FAM222B: variants seen among roughly 807,000 people sequenced by gnomAD.
FAM222B encodes protein FAM222B.
Under a neutral mutation model 38.0 loss-of-function variants are expected in FAM222B, and 12 were observed. That is an observed-to-expected ratio of 0.32 (90% confidence interval 0.20 to 0.51). The LOEUF is 0.51. FAM222B is among the 20% of genes least tolerant of loss of function. The probability of loss-of-function intolerance (pLI) is 0.97; values close to 1 mark genes in which losing one functional copy is unlikely to be tolerated. For synonymous variants in FAM222B, 329 were observed against 317.2 expected (o/e 1.04, Z -0.40); for missense variants, 716 against 754.2 (o/e 0.95, Z 0.59).
intron 1 of FAM222B, among the ~76,000 whole-genome samples, chr17:28,847,927 AG>A (rs966359160): frequency 6.7e-6 from 1 of 149,766 alleles, no homozygotes; most frequent in Non-Finnish European, 1.5e-5. Context: ...AAAAAAAAAA[AG>A]AAAAGAAAAG....
chr17:28,837,863 G>A (rs2038902449), intron 1 of FAM222B, among the ~76,000 whole-genome samples: 1 of 152,090 alleles, frequency 6.6e-6, no homozygotes. Flanking sequence ...TTGTTTGCCA[G>A]GCTGGTCTTG....
intron 1 of FAM222B, among the ~76,000 whole-genome samples, chr17:28,790,884 C>CAATTTTTTTT (rs71135852): frequency 1.2e-5 from 1 of 86,062 alleles, no homozygotes; most frequent in African/African-American, 4.6e-5. Context: ...AATTGTTTCA[C>CAATTTTTTTT]TTTTTTTTTT....
At chr17:28,846,572 A>G (rs370847812), upstream of FAM222B, among the ~76,000 whole-genome samples, 1 of 151,570 alleles carries the variant, frequency 6.6e-6, no homozygotes, top group Admixed American at 6.6e-5. Context: ...GGGAGGCTGA[A>G]GAGCGAGGAT....
intron 1 of FAM222B, among the ~76,000 whole-genome samples, chr17:28,809,016 T>C (rs1196642512): frequency 6.6e-6 from 1 of 152,024 alleles, no homozygotes; most frequent in Admixed American, 6.6e-5. Flanking sequence ...AGAGAGAACA[T>C]AGAGTCCTTT....
At chr17:28,774,025 A>G (rs2035766136) in intron 1 of FAM222B, among the ~76,000 whole-genome samples, 1 of 152,176 alleles carries the variant, frequency 6.6e-6, no homozygotes, top group Admixed American at 6.5e-5. Flanking sequence ...GAAAGCAGAG[A>G]TGTCAGAATA....
Position 28,758,570 on chromosome 17 carries a change from G to A in FAM222B, c.1389C>T (p.Ser463=), listed in dbSNP as rs772351801. 8.1e-6 allele frequency: 13 copies of A among 1,610,012 alleles called. No individual in the cohort carries two copies. Among genetic ancestry groups the A allele is most frequent in the Middle Eastern group, 3.3e-4 (2 of 6,084 alleles). Residue 463 remains serine (S), a synonymous_variant, in exon 3 of 3, where the codon AGC becomes AGT. Transcript: ENST00000581407. ...CAAGGTCCTGAGACCCCGAGCTGTCGCTATTGGGAGTGGGCAGAATGTTGT... is the reference window on the plus strand; with the variant it reads ...CAAGGTCCTGAGACCCCGAGCTGTCACTATTGGGAGTGGGCAGAATGTTGT... ...LWNNILPTPN[S]DSSGSQDLAM... is the part of the protein sequence containing the mutation.
intron 2 of FAM222B, 111 bp downstream of exon 2, chr17:28,766,475 A>C: frequency 1.3e-6 from 1 of 788,962 alleles, no homozygotes; most frequent in Admixed American, 2.8e-5. Flanking sequence ...AAAAAAAAAG[A>C]AAGGTGTCAA....
chr17:28,822,848 T>C (rs1375430341), intron 1 of FAM222B, among the ~76,000 whole-genome samples: 20 of 97,792 alleles, frequency 2.0e-4, no homozygotes, highest in Admixed American at 1.7e-3. Flanking sequence ...TATATATATA[T>C]ATATATATAT....
Position 28,759,001 on chromosome 17 carries a change from G to A in FAM222B, c.958C>T (p.Pro320Ser). 6.2e-7 allele frequency: 1 copy of A among 1,612,882 alleles called. No individual in the cohort carries two copies. The highest frequency in any genetic ancestry group is 8.5e-7 in the Non-Finnish European group (1 of 1,179,450). The change falls in exon 3 of 3, where the codon CCT becomes TCT. Residue 320 changes from proline (P) to serine (S), a missense_variant. Coordinates refer to ENST00000581407, the MANE Select transcript of FAM222B (RefSeq NM_001077498.3). The surrounding 1 kb of genome is among the most constrained non-coding windows in gnomAD (Gnocchi z 4.8). The stretch of plus-strand genomic sequence containing the variant: ...TCCATGGGATTGACCACACATGAAG[G>A]CATTGGTGTGGGGACGCTGTGGGTC... ...VSTHSVPTPM[P>S]SCVVNPMEHT...
At chr17:28,760,223 C>T (rs748405926) in intron 2 of FAM222B, among the ~76,000 whole-genome samples, 2 of 152,130 alleles carry the variant, frequency 1.3e-5, no homozygotes, top group African/African-American at 2.4e-5. Flanking sequence ...TCATATCTTG[C>T]AGAACCAGAA....
intron 2 of FAM222B, among the ~76,000 whole-genome samples, chr17:28,765,795 CAG>C (rs2151781028): frequency 6.6e-6 from 1 of 152,242 alleles, no homozygotes; most frequent in South Asian, 2.1e-4. Context: ...GGAAAATGCC[CAG>C]AGAGACTGAG....
chr17:28,841,812 G>A (rs1598063169), intron 1 of FAM222B, among the ~76,000 whole-genome samples: 2 of 152,172 alleles, frequency 1.3e-5, no homozygotes, highest in East Asian at 3.8e-4. Flanking sequence ...AAAAACGCCG[G>A]AGTACGGTAT....
chr17:28,812,183 T>C (rs756467382), intron 1 of FAM222B: 20 of 151,934 alleles, frequency 1.3e-4, no homozygotes, highest in African/African-American at 4.4e-4. Flanking sequence ...GAAGTCGGGG[T>C]CGCGTTAGAA....
At chr17:28,782,669 G>A (rs1031489735) in intron 1 of FAM222B, among the ~76,000 whole-genome samples, 1 of 152,152 alleles carries the variant, frequency 6.6e-6, no homozygotes, top group Non-Finnish European at 1.5e-5. Context: ...GAAGTCACTT[G>A]TATTTGATCA....
At chr17:28,793,811 T>C (rs1222497058) in intron 1 of FAM222B, among the ~76,000 whole-genome samples, 3 of 151,044 alleles carry the variant, frequency 2.0e-5, no homozygotes, top group African/African-American at 7.3e-5. Context: ...AATGGTGCGA[T>C]ACGGGCTCAC....
At chr17:28,800,003 T>C (rs369134525) in intron 1 of FAM222B, among the ~76,000 whole-genome samples, 1 of 151,832 alleles carries the variant, frequency 6.6e-6, no homozygotes, top group Non-Finnish European at 1.5e-5. Flanking sequence ...TGATAAAGAC[T>C]GGCATTTCTC....
intron 1 of FAM222B, among the ~76,000 whole-genome samples, chr17:28,787,696 T>C (rs1340163109): frequency 6.6e-6 from 1 of 152,120 alleles, no homozygotes; most frequent in Non-Finnish European, 1.5e-5. Flanking sequence ...AAAACAGATA[T>C]ACAGTCCCTG....
At chr17:28,781,606 A>G (rs2036172408) in intron 1 of FAM222B, among the ~76,000 whole-genome samples, 1 of 152,240 alleles carries the variant, frequency 6.6e-6, no homozygotes, top group Non-Finnish European at 1.5e-5. Flanking sequence ...AGCATTATTC[A>G]CAACAGCCAA....
chr17:28,773,478 T>TAAA (rs1567810526), intron 1 of FAM222B, among the ~76,000 whole-genome samples: 1 of 41,338 alleles, frequency 2.4e-5, no homozygotes, highest in African/African-American at 6.5e-5. Context: ...AAACTCTGTC[T>TAAA]CAAAAAAAAA....
Sources: allele counts gnomAD v4.1 joint callset (sites outside exome capture counted in the v4.1 genomes callset), GRCh38; gene constraint gnomAD v4.1.1; non-coding constraint Gnocchi (gnomAD v3.1); transcripts MANE v1.5; gene names NCBI Gene and HGNC (gene_info 2026-07-23, HGNC 2026-07-21).